DYNC1I1: variants seen among roughly 807,000 people sequenced by gnomAD.
The protein encoded by DYNC1I1 is cytoplasmic dynein 1 intermediate chain 1.
A neutral mutation model predicts 86.6 loss-of-function variants in DYNC1I1; 43 were observed. The ratio of observed to expected loss-of-function variants is 0.50; its 90% CI spans 0.39 to 0.64. The LOEUF is 0.64. Among genes scored for constraint, DYNC1I1 ranks in the 30% least tolerant of loss-of-function variants. The probability of loss-of-function intolerance (pLI) is 0.00; values close to 1 mark genes in which losing one functional copy is unlikely to be tolerated. For missense variants in DYNC1I1, 604 were observed against 788.8 expected, an observed-to-expected ratio of 0.77 and a Z score of 2.81; for synonymous variants, 262 against 283.7, an observed-to-expected ratio of 0.92 and a Z score of 0.77.
chr7:95,798,366 G>T (rs1483343388), intron 1 of DYNC1I1, among the ~76,000 whole-genome samples: 2 of 151,998 alleles, frequency 1.3e-5, no homozygotes, highest in African/African-American at 4.8e-5. Context: ...GTAAAAGTGG[G>T]CTCACGGTGG....
intron 5 of DYNC1I1, among the ~76,000 whole-genome samples, chr7:95,858,424 C>CT (rs1026558625): frequency 6.6e-6 from 1 of 152,028 alleles, no homozygotes. Flanking sequence ...GTACAGTAAA[C>CT]TTTTTTTAAT....
At chr7:95,969,783 A>G (rs988803631) in intron 6 of DYNC1I1, among the ~76,000 whole-genome samples, 8 of 152,104 alleles carry the variant, frequency 5.3e-5, no homozygotes, top group Non-Finnish European at 1.0e-4. Flanking sequence ...AAGTACTGTC[A>G]TGTTAGAGCC....
intron 7 of DYNC1I1, among the ~76,000 whole-genome samples, chr7:95,983,011 A>T (rs1793493669): frequency 6.6e-6 from 1 of 152,292 alleles, no homozygotes; most frequent in East Asian, 1.9e-4. Flanking sequence ...TCCCCATTTC[A>T]TAGATAAAAC....
chr7:96,049,613 T>C (rs1038386146), intron 14 of DYNC1I1, among the ~76,000 whole-genome samples: 5 of 152,150 alleles, frequency 3.3e-5, no homozygotes, highest in African/African-American at 1.2e-4. Flanking sequence ...CTTCAGCTTG[T>C]AAATTAAATA....
chr7:96,084,281 T>C (rs1392793823), intron 16 of DYNC1I1, among the ~76,000 whole-genome samples: 1 of 144,358 alleles, frequency 6.9e-6, no homozygotes, highest in East Asian at 2.0e-4. Flanking sequence ...TCCTGTCAAC[T>C]AGAGTGTTAC....
chr7:95,891,009 G>A (rs937349882), intron 6 of DYNC1I1, among the ~76,000 whole-genome samples: 2 of 152,212 alleles, frequency 1.3e-5, no homozygotes, highest in Non-Finnish European at 2.9e-5. Context: ...TGTGTTTAAA[G>A]ATAGGGTCCT....
intron 14 of DYNC1I1, among the ~76,000 whole-genome samples, chr7:96,054,025 G>GT (rs1789490576): frequency 6.6e-6 from 1 of 152,014 alleles, no homozygotes; most frequent in African/African-American, 2.4e-5. Flanking sequence ...GAATATGCAG[G>GT]TTTGTTACAT....
chr7:95,850,449 T>C (rs1161444938), intron 5 of DYNC1I1, among the ~76,000 whole-genome samples: 1 of 152,186 alleles, frequency 6.6e-6, no homozygotes, highest in African/African-American at 2.4e-5. Context: ...TCTTTTTGCA[T>C]CTATTGAAAT....
intron 6 of DYNC1I1, among the ~76,000 whole-genome samples, chr7:95,970,639 G>A (rs1474390312): frequency 6.6e-6 from 1 of 152,166 alleles, no homozygotes; most frequent in Admixed American, 6.5e-5. Context: ...CACACTTCTT[G>A]TTCTGCCATT....
At chr7:96,060,184 C>G (rs1789722245) in intron 14 of DYNC1I1, among the ~76,000 whole-genome samples, 1 of 152,158 alleles carries the variant, frequency 6.6e-6, no homozygotes. Flanking sequence ...GTTCAGCCAC[C>G]TTCGTGACCC....
intron 16 of DYNC1I1, among the ~76,000 whole-genome samples, chr7:96,093,687 T>G (rs1790914975): frequency 1.3e-5 from 2 of 152,168 alleles, no homozygotes; most frequent in South Asian, 4.1e-4. Flanking sequence ...GATGCAGACT[T>G]CATCAGAGAT....
chr7:95,780,956 G>A (rs558413119), intron 1 of DYNC1I1, among the ~76,000 whole-genome samples: 3 of 152,064 alleles, frequency 2.0e-5, no homozygotes, highest in Non-Finnish European at 2.9e-5. Context: ...AATATAGCAA[G>A]AGGTTGTGGG....
chr7:96,013,044 C>A (rs749629294), intron 10 of DYNC1I1, among the ~76,000 whole-genome samples: 11 of 151,674 alleles, frequency 7.3e-5, no homozygotes, highest in Non-Finnish European at 1.5e-4. Context: ...TGATGGGTAC[C>A]CTAAAATCTC....
chr7:95,802,329 C>G (rs960471648), intron 1 of DYNC1I1, among the ~76,000 whole-genome samples: 23 of 152,126 alleles, frequency 1.5e-4, no homozygotes, highest in African/African-American at 5.6e-4. Flanking sequence ...GTTCCTTGGT[C>G]CCTCTTGGCT....
chr7:95,803,175 T>A (rs559933067), intron 1 of DYNC1I1, among the ~76,000 whole-genome samples: 2 of 152,332 alleles, frequency 1.3e-5, no homozygotes, highest in African/African-American at 2.4e-5. Context: ...ATAATAAGAA[T>A]GGTGTACTTG....
At chr7:96,054,844 C>G (rs569985235) in intron 14 of DYNC1I1, among the ~76,000 whole-genome samples, 1 of 152,024 alleles carries the variant, frequency 6.6e-6, no homozygotes, top group Admixed American at 6.6e-5. Context: ...TGTTTAAGTT[C>G]CTTGTAGATT....
At chr7:96,069,040 A>G (rs1790081318) in intron 14 of DYNC1I1, among the ~76,000 whole-genome samples, 2 of 152,118 alleles carry the variant, frequency 1.3e-5, no homozygotes, top group Admixed American at 6.6e-5. Context: ...AGGCCCTGAT[A>G]CAACCACATA....
intron 5 of DYNC1I1, among the ~76,000 whole-genome samples, chr7:95,865,485 C>G (rs1789994375): frequency 6.6e-6 from 1 of 152,120 alleles, no homozygotes; most frequent in Non-Finnish European, 1.5e-5. Context: ...TGACGCTAAA[C>G]TAAGGCCCAG....
chr7:95,784,764 T>C (rs1794085067), intron 1 of DYNC1I1, among the ~76,000 whole-genome samples: 1 of 152,220 alleles, frequency 6.6e-6, no homozygotes, highest in South Asian at 2.1e-4. Context: ...AGTTCAAGCA[T>C]GTCACCTCCT....
Sources: allele counts gnomAD v4.1 joint callset (sites outside exome capture counted in the v4.1 genomes callset), GRCh38; gene constraint gnomAD v4.1.1; transcripts MANE v1.5; gene names NCBI Gene and HGNC (gene_info 2026-07-23, HGNC 2026-07-21).